The following ARHGAP26 variants were observed in gnomAD, a reference collection of about 807,000 sequenced individuals.
ARHGAP26 encodes the protein Rho GTPase activating protein 26.
Under a neutral mutation model 104.8 loss-of-function variants are expected in ARHGAP26, and 38 were observed. The observed-to-expected ratio is 0.36, with a 90% CI of 0.28 to 0.48. ARHGAP26 has a LOEUF of 0.48. ARHGAP26 is among the 20% of genes least tolerant of loss of function. The pLI is 0.99. For missense variants in ARHGAP26, 704 were observed against 947.9 expected (o/e 0.74, Z 3.38); for synonymous variants, 341 against 340.0 (o/e 1.00, Z -0.03).
chr5:142,812,591 G>A lies in ARHGAP26; in HGVS notation c.154+41676G>A, dbSNP rs952048846. Among the ~76,000 whole-genome samples, 5 of 152,074 alleles carry A rather than the reference G, an allele frequency of 3.3e-5. No homozygotes were observed. The East Asian group carries it at 9.7e-4, about 29-fold the overall frequency. ...AGCCTCAAGTGATCCTCCTGCCTCG[G>A]CCTCCCAAAGTCCTGGAATTATGGG... On this transcript the variant is annotated intron_variant, in intron 1 of 22. Transcript: ENST00000645722.
At chr5:142,880,095 G>A (rs1756733802) in intron 4 of ARHGAP26, among the ~76,000 whole-genome samples, 1 of 152,230 alleles carries the variant, frequency 6.6e-6, no homozygotes, top group Admixed American at 6.5e-5. Flanking sequence ...GGAGATCACC[G>A]TTTGTTATCA....
At chr5:142,859,002 A>G (rs998192615) in intron 1 of ARHGAP26, among the ~76,000 whole-genome samples, 1 of 152,142 alleles carries the variant, frequency 6.6e-6, no homozygotes, top group African/African-American at 2.4e-5. Context: ...GGGGCTGGGT[A>G]TGGAGTGAGG....
At chr5:143,214,214 G>A (rs575649663) in intron 22 of ARHGAP26, 126 bp downstream of exon 22, 53 of 637,338 alleles carry the variant, frequency 8.3e-5, no homozygotes, top group African/African-American at 8.3e-4. Context: ...GAAAAAAAGT[G>A]TGTGTGCGTC....
intron 11 of ARHGAP26, among the ~76,000 whole-genome samples, chr5:142,944,443 G>A (rs1452398251): frequency 1.3e-5 from 2 of 152,160 alleles, no homozygotes; most frequent in Non-Finnish European, 2.9e-5. Context: ...TAATATTCCA[G>A]TAGATATTGC....
chr5:143,069,358 T>C (rs924031794), intron 17 of ARHGAP26, among the ~76,000 whole-genome samples: 3 of 152,178 alleles, frequency 2.0e-5, no homozygotes, highest in African/African-American at 7.2e-5. Context: ...TAAATATTTG[T>C]TGAATAAGTG....
intron 11 of ARHGAP26, among the ~76,000 whole-genome samples, chr5:143,012,576 T>TACATATATATATATATATA (rs1554195628): frequency 5.3e-5 from 3 of 57,038 alleles, no homozygotes; most frequent in Non-Finnish European, 1.6e-4. Flanking sequence ...TATATATATA[T>TACATATATATATATATATA]TATGATCAGG....
At chr5:143,155,814 T>C (rs1370189985) in intron 20 of ARHGAP26, among the ~76,000 whole-genome samples, 2 of 152,242 alleles carry the variant, frequency 1.3e-5, no homozygotes, top group African/African-American at 2.4e-5. Context: ...TATAAACTTA[T>C]AAATCTTGCT....
intron 14 of ARHGAP26, among the ~76,000 whole-genome samples, chr5:143,047,033 A>G (rs1784340653): frequency 6.6e-6 from 1 of 152,218 alleles, no homozygotes; most frequent in Non-Finnish European, 1.5e-5. Flanking sequence ...AACACTATAG[A>G]GTGTCTATTG....
chr5:142,786,674 T>C (rs981162222), intron 1 of ARHGAP26, among the ~76,000 whole-genome samples: 3 of 148,668 alleles, frequency 2.0e-5, no homozygotes, highest in Non-Finnish European at 4.5e-5. Flanking sequence ...TTTTTTTTTT[T>C]TTTTTGAGAT....
chr5:143,176,107 G>C (rs1372412150), intron 20 of ARHGAP26, among the ~76,000 whole-genome samples: 3 of 152,056 alleles, frequency 2.0e-5, no homozygotes, highest in African/African-American at 7.2e-5. Flanking sequence ...GAGTGAGACT[G>C]TGTCTCAAAT....
In ARHGAP26 at chr5:143,166,159, C is replaced by G. The variant is rs549848072; in HGVS notation, c.1988+18778C>G. The stretch of plus-strand genomic sequence containing the variant: ...TCTCAATTAAAGAATAACACACGCC[C>G]TTCCCCTAACTCATCTAGAACAACC... On this transcript the variant is annotated intron_variant, in intron 20 of 22. Coordinates refer to ENST00000645722, the MANE Select transcript of ARHGAP26 (RefSeq NM_001135608.3). 3.7e-5 allele frequency: 43 copies of G among 1,173,950 alleles called. No individual in the cohort carries two copies. The South Asian group carries it at 5.7e-4, about 15-fold the overall frequency. 72.7% of individuals were successfully genotyped at this position (1,173,950 alleles called of 1,614,324 possible).
intron 12 of ARHGAP26, among the ~76,000 whole-genome samples, chr5:143,023,529 T>A (rs1282165559): frequency 2.0e-5 from 3 of 152,216 alleles, no homozygotes; most frequent in Non-Finnish European, 4.4e-5. Context: ...GGATTTGTTT[T>A]TCTTTTGCTT....
chr5:143,156,873 C>G (rs72799988), intron 20 of ARHGAP26, among the ~76,000 whole-genome samples: 27,280 of 152,274 alleles, frequency 0.18, 2,617 homozygotes, highest in Non-Finnish European at 0.21. Flanking sequence ...CCATCTCCCC[C>G]CAAAAGCCCA....
chr5:142,949,398 C>G (rs766428058), intron 11 of ARHGAP26, among the ~76,000 whole-genome samples: 15 of 151,960 alleles, frequency 9.9e-5, no homozygotes, highest in Non-Finnish European at 1.8e-4. Context: ...TCATTTTTGC[C>G]ACCGTCATCT....
chr5:142,890,005 C>T (rs1040287027), intron 5 of ARHGAP26, among the ~76,000 whole-genome samples: 5 of 150,406 alleles, frequency 3.3e-5, no homozygotes, highest in South Asian at 2.1e-4. Context: ...CATGGTGGTG[C>T]ATGCCTGTAA....
rs2151437237 is a variant in ARHGAP26 at position 143,222,791 on chromosome 5, A to G, written c.*345A>G. Reference sequence around the variant, plus strand: ...AACCTTCAGAAAGAGGAAGTCAGATAGAAATAGTCCCTGAGAGCACACTGT... The same window carrying G: ...AACCTTCAGAAAGAGGAAGTCAGATGGAAATAGTCCCTGAGAGCACACTGT... On this transcript the variant is annotated 3_prime_UTR_variant, in exon 23 of 23. Coordinates refer to ENST00000645722, the MANE Select transcript of ARHGAP26 (RefSeq NM_001135608.3). The G allele has an allele frequency of 8.1e-6, 2 of 246,950 alleles. No individual in the cohort carries two copies. Among genetic ancestry groups the G allele is most frequent in the East Asian group, 1.2e-4 (2 of 17,204 alleles). 15.3% of individuals were successfully genotyped at this position (246,950 alleles called of 1,614,324 possible). A position where few individuals can be genotyped will look rare whatever the true frequency, so the allele number is the denominator to read the frequency against.
chr5:142,791,584 G>A (rs528373220), intron 1 of ARHGAP26, among the ~76,000 whole-genome samples: 2 of 152,254 alleles, frequency 1.3e-5, no homozygotes, highest in African/African-American at 4.8e-5. Context: ...TGACAAAGCC[G>A]TTTGTTTGTG....
intron 20 of ARHGAP26, chr5:143,203,677 G>A (rs1808122462): frequency 6.6e-6 from 1 of 152,172 alleles, no homozygotes; most frequent in South Asian, 2.1e-4. Context: ...CAACCCAAAT[G>A]CCCATCAGTG....
At chr5:142,993,509 T>C (rs1462357182) in intron 11 of ARHGAP26, among the ~76,000 whole-genome samples, 1 of 152,214 alleles carries the variant, frequency 6.6e-6, no homozygotes, top group East Asian at 1.9e-4. Context: ...TTCACCATGT[T>C]GGCCAGGCTG....
Sources: gnomAD v4.1 joint callset for allele counts (sites outside exome capture counted in the v4.1 genomes callset) on GRCh38, gnomAD v4.1.1 for gene constraint, MANE v1.5 for transcripts, NCBI Gene and HGNC (gene_info 2026-07-23, HGNC 2026-07-21) for gene names.